Variants in SLCO1B3 observed in about 807,000 individuals in gnomAD.
The protein encoded by SLCO1B3 is liver-specific organic anion transporter 2.
SLCO1B3 carries 72 observed loss-of-function variants against 71.8 expected under a neutral mutation model. That is an observed-to-expected ratio of 1.00 (90% CI 0.83 to 1.22). The LOEUF (loss-of-function observed/expected upper bound fraction) is 1.22. SLCO1B3 is among the 50% of genes most tolerant of loss of function. The pLI is 0.00. For synonymous variants in SLCO1B3, 298 were observed against 278.4 expected (o/e 1.07, Z -0.70); for missense variants, 911 against 819.7 (o/e 1.11, Z -1.36).
intron 15 of SLCO1B3, among the ~76,000 whole-genome samples, chr12:20,911,775 G>A (rs149957974): frequency 3.3e-5 from 5 of 152,164 alleles, no homozygotes; most frequent in African/African-American, 7.2e-5. Flanking sequence ...GGGGTCTACA[G>A]TGATGTTCCA....
intron 3 of SLCO1B3, among the ~76,000 whole-genome samples, chr12:20,838,894 G>C (rs540801490): frequency 6.6e-6 from 1 of 151,678 alleles, no homozygotes; most frequent in South Asian, 2.1e-4. Flanking sequence ...TGCTTTTTGT[G>C]GTTTCAAATG....
intron 6 of SLCO1B3, among the ~76,000 whole-genome samples, chr12:20,862,062 G>C (rs375375061): frequency 6.6e-6 from 1 of 152,134 alleles, no homozygotes; most frequent in South Asian, 2.1e-4. Flanking sequence ...TGACAACATG[G>C]GGAAATTGTG....
chr12:20,907,200 C>T (rs1866263487), intron 15 of SLCO1B3, among the ~76,000 whole-genome samples: 1 of 151,982 alleles, frequency 6.6e-6, no homozygotes, highest in Non-Finnish European at 1.5e-5. Flanking sequence ...GTGAAAACTC[C>T]CTGGATCTAA....
At chr12:20,832,767 C>T (rs1864570957) in intron 3 of SLCO1B3, among the ~76,000 whole-genome samples, 1 of 152,142 alleles carries the variant, frequency 6.6e-6, no homozygotes, top group South Asian at 2.1e-4. Flanking sequence ...TCATTCAGAT[C>T]TCTGTTTAAA....
intron 3 of SLCO1B3, among the ~76,000 whole-genome samples, chr12:20,826,863 A>G (rs1200683100): frequency 6.6e-6 from 1 of 152,090 alleles, no homozygotes; most frequent in Non-Finnish European, 1.5e-5. Context: ...TTTCCTTTAA[A>G]TAAGAACATA....
At chr12:20,874,891 T>C (rs767398873) in intron 8 of SLCO1B3, among the ~76,000 whole-genome samples, 9 of 152,176 alleles carry the variant, frequency 5.9e-5, no homozygotes, top group Non-Finnish European at 1.0e-4. Flanking sequence ...CAGTGAGGAT[T>C]CATATTTCTT....
At chr12:20,898,839 G>A (rs892045012) in intron 14 of SLCO1B3, among the ~76,000 whole-genome samples, 42 of 152,148 alleles carry the variant, frequency 2.8e-4, no homozygotes, top group African/African-American at 9.4e-4. Flanking sequence ...GCAGAGTGGA[G>A]GACCTTCCTT....
intron 15 of SLCO1B3, among the ~76,000 whole-genome samples, chr12:20,902,559 CAG>C (rs1866150267): frequency 6.6e-6 from 1 of 152,026 alleles, no homozygotes; most frequent in East Asian, 1.9e-4. Flanking sequence ...CTTGTGGGTG[CAG>C]AGTGAGAGGA....
intron 3 of SLCO1B3, among the ~76,000 whole-genome samples, chr12:20,828,835 A>G (rs1034276526): frequency 3.9e-5 from 6 of 152,208 alleles, no homozygotes; most frequent in Non-Finnish European, 7.3e-5. Context: ...AACCAAACCC[A>G]GGCTGTCATG....
intron 13 of SLCO1B3, among the ~76,000 whole-genome samples, chr12:20,887,320 A>C (rs34061909): frequency 0.14 from 21,087 of 152,042 alleles, 1,556 homozygotes; most frequent in Middle Eastern, 0.24. Context: ...GGTTTTACTA[A>C]TTTACATTCC....
intron 8 of SLCO1B3, among the ~76,000 whole-genome samples, chr12:20,869,366 G>T (rs1865435879): frequency 6.6e-6 from 1 of 151,824 alleles, no homozygotes; most frequent in Non-Finnish European, 1.5e-5. Flanking sequence ...GTCTCTGTAT[G>T]GCCTGGCTTT....
intron 8 of SLCO1B3, among the ~76,000 whole-genome samples, 184 bp from the exon 9 acceptor site, chr12:20,875,051 T>C (rs1017670622): frequency 1.3e-5 from 2 of 152,184 alleles, no homozygotes; most frequent in Non-Finnish European, 1.5e-5. Context: ...AATTGCAAGA[T>C]GTCATCAACC....
chr12:20,893,484 A>C (rs1331971903), intron 13 of SLCO1B3, among the ~76,000 whole-genome samples: 1 of 152,174 alleles, frequency 6.6e-6, no homozygotes, highest in African/African-American at 2.4e-5. Context: ...TGTCAGAAGA[A>C]AGACTCAGAT....
At chr12:20,914,502 A>G (rs1454085520) in intron 15 of SLCO1B3, among the ~76,000 whole-genome samples, 2 of 152,186 alleles carry the variant, frequency 1.3e-5, no homozygotes, top group East Asian at 3.9e-4. Context: ...TGTATATTAT[A>G]TATAATTAAA....
chr12:20,822,313 C>T (rs996335604), intron 3 of SLCO1B3, among the ~76,000 whole-genome samples: 9 of 150,512 alleles, frequency 6.0e-5, no homozygotes, highest in Non-Finnish European at 8.8e-5. Context: ...AGGGTGGGGC[C>T]GTTTTATAGG....
Position 20,901,406 on chromosome 12 carries a change from T to C in SLCO1B3, c.1804T>C (p.Trp602Arg), listed in dbSNP as rs771888713. ...TCTGATTGATAAAACATGTATGAAG[T>C]GGTCCACCAACAGCTGTGGAGCACA... The part of the protein sequence containing the change: ...GALIDKTCMK[W>R]STNSCGAQGA... Residue 602 changes from tryptophan to arginine, a missense_variant, in exon 15 of 16, where the codon TGG becomes CGG. Transcript: ENST00000381545. 2 of 1,589,548 alleles carry C rather than the reference T, an allele frequency of 1.3e-6. No individual in the cohort carries two copies. The highest frequency in any genetic ancestry group is 1.2e-5 in the South Asian group (1 of 84,332).
chr12:20,887,695 T>C (rs1865819582), intron 13 of SLCO1B3, among the ~76,000 whole-genome samples: 1 of 151,580 alleles, frequency 6.6e-6, no homozygotes, highest in Non-Finnish European at 1.5e-5. Flanking sequence ...TTATTATTAT[T>C]ATTTTTTTTT....
chr12:20,855,611 C>T (rs952434943), intron 4 of SLCO1B3, among the ~76,000 whole-genome samples: 2 of 151,142 alleles, frequency 1.3e-5, no homozygotes, highest in Admixed American at 6.6e-5. Flanking sequence ...GAGCAACCTA[C>T]ACTAGATTCT....
chr12:20,844,813 T>C (rs1021965555), intron 3 of SLCO1B3, among the ~76,000 whole-genome samples: 1 of 151,978 alleles, frequency 6.6e-6, no homozygotes, highest in Non-Finnish European at 1.5e-5. Flanking sequence ...GCGAATCATC[T>C]GAGGCCAGGA....
Sources: gnomAD v4.1 joint callset for allele counts (sites outside exome capture counted in the v4.1 genomes callset) on GRCh38, gnomAD v4.1.1 for gene constraint, MANE v1.5 for transcripts, NCBI Gene and HGNC (gene_info 2026-07-23, HGNC 2026-07-21) for gene names.